The following SPOCK1 variants were observed in gnomAD, a reference collection of about 807,000 sequenced individuals.
SPOCK1 encodes the protein testican-1.
A neutral mutation model predicts 55.3 loss-of-function variants in SPOCK1; 23 were observed. The ratio of observed to expected loss-of-function variants is 0.42; its 90% confidence interval spans 0.30 to 0.59. The LOEUF is 0.59. SPOCK1 is among the 20% of genes least tolerant of loss of function. The pLI is 0.22. For missense variants in SPOCK1, 499 were observed against 552.5 expected, an observed-to-expected ratio of 0.90 and a Z score of 0.97; for synonymous variants, 226 against 221.0, an observed-to-expected ratio of 1.02 and a Z score of -0.20.
Position 137,482,508 on chromosome 5 carries a change from T to C in SPOCK1, c.186+15865A>G, listed in dbSNP as rs536549439. ...TATATTGACCATCTAGAGAGGCTTC[T>C]AGATGCCACAATACAGGAGCCAAGG... On this transcript the variant is annotated intron_variant, in intron 2 of 10. Coordinates refer to ENST00000394945, the MANE Select transcript of SPOCK1 (RefSeq NM_004598.4). Among the ~76,000 whole-genome samples, 9 of 152,274 alleles carry C rather than the reference T, an allele frequency of 5.9e-5. No homozygotes were observed. In the East Asian group the frequency reaches 1.7e-3, roughly 29 times the overall value.
chr5:137,363,863 A>G (rs1412365637), intron 2 of SPOCK1, among the ~76,000 whole-genome samples: 2 of 152,254 alleles, frequency 1.3e-5, no homozygotes, highest in Non-Finnish European at 2.9e-5. Context: ...CAAGCCAGTC[A>G]CTGGGGACAG....
chr5:137,272,474 A>T (rs1034517794), intron 2 of SPOCK1, among the ~76,000 whole-genome samples: 10 of 152,166 alleles, frequency 6.6e-5, no homozygotes, highest in African/African-American at 2.4e-4. Context: ...TTAAGAAAGG[A>T]GCTAGCATCA....
intron 4 of SPOCK1, among the ~76,000 whole-genome samples, chr5:137,133,777 T>C (rs1221996729): frequency 6.6e-6 from 1 of 152,164 alleles, no homozygotes; most frequent in Non-Finnish European, 1.5e-5. Flanking sequence ...GAATGATTAC[T>C]TTCAGAAAAG....
At chr5:137,006,403 C>A (rs978576448) in intron 6 of SPOCK1, among the ~76,000 whole-genome samples, 3 of 152,068 alleles carry the variant, frequency 2.0e-5, no homozygotes, top group African/African-American at 7.2e-5. Context: ...TATAGTTCTC[C>A]TTGAAGAGAT....
chr5:137,260,901 G>C (rs1475148444), intron 3 of SPOCK1, among the ~76,000 whole-genome samples: 1 of 152,232 alleles, frequency 6.6e-6, no homozygotes, highest in Non-Finnish European at 1.5e-5. Flanking sequence ...GTGCGTGTCT[G>C]GGGCAGAGAG....
At chr5:137,112,688 G>T (rs1561613687) in intron 4 of SPOCK1, 127 bp from the exon 5 acceptor site, 2 of 1,152,418 alleles carry the variant, frequency 1.7e-6, no homozygotes, top group African/African-American at 1.6e-5. Flanking sequence ...GATCCTGAGG[G>T]CCTTAGCCAG....
At chr5:137,089,802 T>G (rs531114741) in intron 5 of SPOCK1, among the ~76,000 whole-genome samples, 1 of 152,392 alleles carries the variant, frequency 6.6e-6, no homozygotes, top group African/African-American at 2.4e-5. Flanking sequence ...AATACATTTT[T>G]AGAAATTCAC....
In SPOCK1 at chr5:137,243,789, T is replaced by C. The variant is rs146663771; in HGVS notation, c.232+23221A>G. Among the ~76,000 whole-genome samples, 454 of 152,252 alleles carry C rather than the reference T, an allele frequency of 3.0e-3. 1 individual carries two copies. Among genetic ancestry groups the C allele is most frequent in the African/African-American group, 9.6e-3 (397 of 41,548 alleles). ...GTATGAGACCTCCAGTTCTAATCAC[T>C]GCAGCCACCAGAACTAATGATTCCA... is the stretch of plus-strand genomic sequence containing the variant. On this transcript the variant is annotated intron_variant, in intron 3 of 10. Coordinates refer to ENST00000394945, the MANE Select transcript of SPOCK1 (RefSeq NM_004598.4).
At chr5:137,163,588 CATA>C (rs1341733230) in intron 3 of SPOCK1, among the ~76,000 whole-genome samples, 4 of 152,166 alleles carry the variant, frequency 2.6e-5, no homozygotes, top group Non-Finnish European at 4.4e-5. Flanking sequence ...ACTAAATCCT[CATA>C]ATAATCTTTT....
intron 3 of SPOCK1, among the ~76,000 whole-genome samples, chr5:137,255,935 A>T (rs891457739): frequency 6.6e-6 from 1 of 152,226 alleles, no homozygotes; most frequent in African/African-American, 2.4e-5. Context: ...CCAAAGAAGA[A>T]GATGAGCAGT....
At chr5:137,419,804 G>A (rs545380814) in intron 2 of SPOCK1, among the ~76,000 whole-genome samples, 7 of 152,230 alleles carry the variant, frequency 4.6e-5, no homozygotes, top group African/African-American at 1.7e-4. Flanking sequence ...TCCTTCTCCT[G>A]CCAGTTTTCC....
intron 2 of SPOCK1, among the ~76,000 whole-genome samples, chr5:137,322,744 A>G (rs1236319859): frequency 6.6e-6 from 1 of 152,236 alleles, no homozygotes; most frequent in African/African-American, 2.4e-5. Context: ...AAAGGAACAA[A>G]AACACTAAGA....
intron 3 of SPOCK1, among the ~76,000 whole-genome samples, chr5:137,259,492 G>A (rs1193804407): frequency 6.6e-6 from 1 of 152,110 alleles, no homozygotes; most frequent in Non-Finnish European, 1.5e-5. Flanking sequence ...CCTGTTGGGG[G>A]ATGGGGAACT....
rs1750986021 is a variant in SPOCK1, at chr5:136,993,415, C to T, written c.590-815G>A. ...AGTTGACTTTCCCTAGCCCCTCCCT[C>T]TTCCCTCAGGGCATACGCTAATTCT... On this transcript the variant is annotated intron_variant, in intron 6 of 10. Transcript: ENST00000394945. Among the ~76,000 whole-genome samples the T allele has an allele frequency of 1.3e-5, 2 of 152,158 alleles. 1 individual carries two copies. Among genetic ancestry groups the T allele is most frequent in the South Asian group, 4.1e-4 (2 of 4,832 alleles).
chr5:137,079,184 A>G (rs1370923813), intron 5 of SPOCK1, among the ~76,000 whole-genome samples: 2 of 152,224 alleles, frequency 1.3e-5, no homozygotes, highest in East Asian at 3.9e-4. Context: ...CTGTACTTCA[A>G]TGACAGCTTT....
intron 2 of SPOCK1, among the ~76,000 whole-genome samples, chr5:137,337,721 C>T (rs981088532): frequency 3.9e-5 from 6 of 152,248 alleles, no homozygotes; most frequent in Non-Finnish European, 7.3e-5. Flanking sequence ...TATTCACATA[C>T]ACACAGAGAG....
Position 137,221,353 on chromosome 5 carries a change from G to A in SPOCK1, c.232+45657C>T, listed in dbSNP as rs866611281. Among the ~76,000 whole-genome samples, 16 of 152,254 alleles carry A rather than the reference G, an allele frequency of 1.1e-4. No homozygotes were observed. The South Asian group carries it at 2.5e-3, about 24-fold the overall frequency. On this transcript the variant is annotated intron_variant, in intron 3 of 10. Coordinates refer to ENST00000394945, the MANE Select transcript of SPOCK1 (RefSeq NM_004598.4). The stretch of plus-strand genomic sequence containing the variant: ...TGCATCCAGCTGCAAAAAAGCACTC[G>A]AAGAGACAGCACTCCTAACCCCCCT...
At chr5:137,056,727 C>T (rs1752308157) in intron 6 of SPOCK1, among the ~76,000 whole-genome samples, 1 of 152,090 alleles carries the variant, frequency 6.6e-6, no homozygotes, top group Non-Finnish European at 1.5e-5. Context: ...CACTTCCACA[C>T]ATGACTTGGT....
At chr5:137,154,430 G>A (rs972703471) in intron 3 of SPOCK1, among the ~76,000 whole-genome samples, 14 of 152,338 alleles carry the variant, frequency 9.2e-5, no homozygotes, top group Middle Eastern at 3.4e-3. Flanking sequence ...CTGAGGAACA[G>A]TGCAATCCCA....
Sources: gnomAD v4.1 joint callset for allele counts (sites outside exome capture counted in the v4.1 genomes callset) on GRCh38, gnomAD v4.1.1 for gene constraint, MANE v1.5 for transcripts, NCBI Gene and HGNC (gene_info 2026-07-23, HGNC 2026-07-21) for gene names.